Variants in STK4 observed in about 807,000 individuals in gnomAD.
STK4 encodes the protein serine/threonine kinase 4.
A neutral mutation model predicts 64.9 loss-of-function variants in STK4; 30 were observed. That is an observed-to-expected ratio of 0.46 (90% CI 0.35 to 0.63). The LOEUF is 0.63. STK4 is among the 20% of genes least tolerant of loss of function. The probability of loss-of-function intolerance (pLI) is 0.01; values close to 1 mark genes in which losing one functional copy is unlikely to be tolerated. For missense variants in STK4, 466 were observed against 598.5 expected, an observed-to-expected ratio of 0.78 and a Z score of 2.31; for synonymous variants, 177 against 199.0, an observed-to-expected ratio of 0.89 and a Z score of 0.93.
chr20:45,075,683 C>T lies in STK4; in HGVS notation c.*507C>T, dbSNP rs1187557259. 2 of 152,802 alleles carry T rather than the reference C, an allele frequency of 1.3e-5. No homozygotes were observed. The highest frequency in any genetic ancestry group is 2.9e-5 in the Non-Finnish European group (2 of 68,242). 9.5% of individuals were successfully genotyped at this position (152,802 alleles called of 1,614,324 possible). ...CATGAGGGCAGAGGACACCGGGAGG[C>T]TGTTAGGGGGTCACTGAATCCCAGG... On this transcript the variant is annotated 3_prime_UTR_variant, in exon 11 of 11. Coordinates refer to ENST00000372806, the MANE Select transcript of STK4 (RefSeq NM_006282.5).
intron 10 of STK4, among the ~76,000 whole-genome samples, chr20:45,050,422 T>C (rs1393270225): frequency 1.3e-5 from 2 of 152,210 alleles, no homozygotes; most frequent in Non-Finnish European, 2.9e-5. Context: ...GCCTTCAGCT[T>C]TTTAATATTA....
Position 45,024,965 on chromosome 20 carries a change from G to T in STK4, c.1148-8G>T. The T allele has an allele frequency of 1.3e-6, 2 of 1,538,226 alleles. No homozygotes were observed. The highest frequency in any genetic ancestry group is 2.2e-5 in the Admixed American group (1 of 45,758). On this transcript the variant is annotated splice_region_variant and splice_polypyrimidine_tract_variant and intron_variant, in intron 9 of 10. Transcript: ENST00000372806. ...TTCTTTTCATTTTTCATTTTTCTTT[G>T]TTTTCAGGAAGGGATGAGACCATGC...
chr20:44,998,479 G>A (rs1421142746), intron 7 of STK4, among the ~76,000 whole-genome samples: 2 of 152,116 alleles, frequency 1.3e-5, no homozygotes, highest in East Asian at 3.9e-4. Context: ...ATTGGGCTAG[G>A]CCAACCGTTT....
Position 44,995,276 on chromosome 20 carries a change from A to G in STK4, c.693+19A>G. On this transcript the variant is annotated intron_variant, in intron 6 of 10. Coordinates refer to ENST00000372806, the MANE Select transcript of STK4 (RefSeq NM_006282.5). ...AATGAGGGTAAGAAAGTGGACAGAA[A>G]GCCAGTGGGGTGGTTAGTTACTGAT... The G allele has an allele frequency of 6.2e-7, 1 of 1,603,138 alleles. No homozygotes were observed. The highest frequency in any genetic ancestry group is 8.5e-7 in the Non-Finnish European group (1 of 1,174,708).
chr20:45,031,519 G>A (rs1324635647), intron 10 of STK4, among the ~76,000 whole-genome samples: 4 of 152,126 alleles, frequency 2.6e-5, no homozygotes, highest in Non-Finnish European at 2.9e-5. Flanking sequence ...GTAACGGAAA[G>A]AAAATACAAC....
At chr20:44,979,053 G>A (rs1601189294) in intron 3 of STK4, among the ~76,000 whole-genome samples, 3 of 151,974 alleles carry the variant, frequency 2.0e-5, no homozygotes, top group South Asian at 2.1e-4. Context: ...TGCCTGCCTC[G>A]GCCAAGTCCC....
intron 5 of STK4, among the ~76,000 whole-genome samples, chr20:44,987,645 C>T (rs928908975): frequency 6.6e-6 from 1 of 152,118 alleles, no homozygotes; most frequent in African/African-American, 2.4e-5. Context: ...ATAACATCAT[C>T]TCATTCAACT....
chr20:45,019,532 C>T (rs778211623), intron 9 of STK4, among the ~76,000 whole-genome samples: 8 of 152,142 alleles, frequency 5.3e-5, no homozygotes, highest in Non-Finnish European at 8.8e-5. Flanking sequence ...CTTATGAATT[C>T]ACTGCTTTGT....
At chr20:44,973,948 T>A (rs1255582847) in intron 2 of STK4, among the ~76,000 whole-genome samples, 2 of 152,218 alleles carry the variant, frequency 1.3e-5, no homozygotes, top group Non-Finnish European at 2.9e-5. Context: ...TAGGTGTTGT[T>A]ATAGGTAGCT....
At chr20:45,066,805 A>G (rs1431659987) in intron 10 of STK4, among the ~76,000 whole-genome samples, 1 of 152,222 alleles carries the variant, frequency 6.6e-6, no homozygotes, top group African/African-American at 2.4e-5. Context: ...ATTTGGCATG[A>G]CCATAATTTG....
chr20:44,998,474 G>T (rs1327011924), intron 7 of STK4, among the ~76,000 whole-genome samples: 1 of 152,096 alleles, frequency 6.6e-6, no homozygotes, highest in African/African-American at 2.4e-5. Context: ...TTATAATTGG[G>T]CTAGGCCAAC....
intron 9 of STK4, among the ~76,000 whole-genome samples, chr20:45,010,779 C>T (rs1262761411): frequency 1.3e-5 from 2 of 152,170 alleles, no homozygotes; most frequent in African/African-American, 2.4e-5. Flanking sequence ...TAGTAATGTA[C>T]TTCTCCTTGC....
chr20:45,046,265 C>CA (rs56077065), intron 10 of STK4, among the ~76,000 whole-genome samples: 4,927 of 119,626 alleles, frequency 0.041, 222 homozygotes, highest in African/African-American at 0.13. Flanking sequence ...CCTGTATCTA[C>CA]AAAAAAAAAA....
intron 10 of STK4, among the ~76,000 whole-genome samples, chr20:45,026,128 G>GGTTTT (rs1490924969): frequency 1.0e-4 from 13 of 128,962 alleles, no homozygotes; most frequent in African/African-American, 3.6e-4. Flanking sequence ...TTATCCAGTG[G>GGTTTT]TTTTTTTTTT....
At chr20:44,978,402 G>T in intron 2 of STK4, 41 bp from the exon 3 acceptor site, 1 of 1,588,164 alleles carries the variant, frequency 6.3e-7, no homozygotes. Flanking sequence ...ATCTTGGCTT[G>T]CTTTGACTTT....
chr20:45,003,676 C>T (rs1481484469), intron 9 of STK4, among the ~76,000 whole-genome samples: 1 of 151,590 alleles, frequency 6.6e-6, no homozygotes, highest in African/African-American at 2.4e-5. Flanking sequence ...TCCTTTCCTT[C>T]CTCTCAGTTT....
chr20:44,970,418 A>T (rs565082296), intron 1 of STK4: 12 of 152,290 alleles, frequency 7.9e-5, no homozygotes, highest in African/African-American at 2.9e-4. Flanking sequence ...CTTCCTTTGT[A>T]TAAGCTGTTT....
intron 1 of STK4, chr20:44,970,623 G>T (rs1249654866): frequency 6.6e-6 from 1 of 152,150 alleles, no homozygotes; most frequent in African/African-American, 2.4e-5. Flanking sequence ...TTTTTATGAT[G>T]TCATTGGTAT....
chr20:45,053,984 T>C (rs958758733), intron 10 of STK4, among the ~76,000 whole-genome samples: 10 of 152,122 alleles, frequency 6.6e-5, no homozygotes. Flanking sequence ...ACAGGAACTT[T>C]AGCAAAAGTT....
Sources: gnomAD v4.1 joint callset for allele counts (sites outside exome capture counted in the v4.1 genomes callset) on GRCh38, gnomAD v4.1.1 for gene constraint, MANE v1.5 for transcripts, NCBI Gene and HGNC (gene_info 2026-07-23, HGNC 2026-07-21) for gene names.